The following GLI3 variants were observed in gnomAD, a reference collection of about 807,000 sequenced individuals.
The protein encoded by GLI3 is transcription activator GLI3.
Under a neutral mutation model 100.8 loss-of-function variants are expected in GLI3, and 20 were observed. The observed-to-expected ratio is 0.20, with a 90% CI of 0.14 to 0.29. The LOEUF is 0.29. Among genes scored for constraint, GLI3 ranks in the 10% least tolerant of loss-of-function variants. The pLI, the probability that GLI3 is intolerant of heterozygous loss-of-function variation, is 1.00. For synonymous variants in GLI3, 938 were observed against 860.5 expected (o/e 1.09, Z -1.58); for missense variants, 2,040 against 2,128.5 (o/e 0.96, Z 0.82).
intron 4 of GLI3, 111 bp from the exon 5 acceptor site, chr7:42,048,807 C>A (rs893737851): frequency 1.4e-5 from 11 of 781,714 alleles, no homozygotes; most frequent in South Asian, 1.2e-4. Context: ...TTCAAAGGAG[C>A]CTTGTGGAAA....
chr7:42,216,466 G>A (rs1326134447), intron 2 of GLI3, among the ~76,000 whole-genome samples: 3 of 152,320 alleles, frequency 2.0e-5, no homozygotes, highest in South Asian at 2.1e-4. Context: ...ACAACAGAGT[G>A]AGCCCCCATG....
At chr7:42,077,759 A>C (rs924916944) in intron 3 of GLI3, among the ~76,000 whole-genome samples, 2 of 152,188 alleles carry the variant, frequency 1.3e-5, no homozygotes, top group Non-Finnish European at 2.9e-5. Context: ...TTCACTGTAA[A>C]AACTGAAGAG....
chr7:42,222,213 A>G (rs563617508), intron 2 of GLI3, among the ~76,000 whole-genome samples: 19 of 152,180 alleles, frequency 1.2e-4, no homozygotes, highest in Non-Finnish European at 2.5e-4. Flanking sequence ...ATCAAGTAAA[A>G]CCTGTCTTGG....
chr7:41,969,382 C>A (rs1787308876), intron 13 of GLI3, among the ~76,000 whole-genome samples: 1 of 152,190 alleles, frequency 6.6e-6, no homozygotes, highest in Admixed American at 6.5e-5. Context: ...ATGCACAGTG[C>A]CACCAGGAAG....
At chr7:42,051,968 C>T (rs1178984228) in intron 4 of GLI3, among the ~76,000 whole-genome samples, 1 of 152,152 alleles carries the variant, frequency 6.6e-6, no homozygotes, top group Non-Finnish European at 1.5e-5. Context: ...CTTAAAAATC[C>T]TCTTTCACCA....
At chr7:42,010,958 A>ATT (rs1186005813) in intron 10 of GLI3, among the ~76,000 whole-genome samples, 1 of 152,210 alleles carries the variant, frequency 6.6e-6, no homozygotes, top group Non-Finnish European at 1.5e-5. Context: ...CTAAAAGAGG[A>ATT]TTATGTTCAT....
chr7:42,185,952 C>T (rs575582257), intron 2 of GLI3, among the ~76,000 whole-genome samples: 3 of 152,290 alleles, frequency 2.0e-5, no homozygotes, highest in Admixed American at 6.5e-5. Context: ...ACACACTGGG[C>T]CTATTTGGAC....
chr7:42,026,261 G>C lies in GLI3; in HGVS notation c.1180C>G (p.Pro394Ala). 1.9e-6 allele frequency: 3 copies of C among 1,614,090 alleles called. No individual in the cohort carries two copies. The highest frequency in any genetic ancestry group is 2.2e-5 in the East Asian group (1 of 44,874). The change falls in exon 8 of 15, where the codon CCA becomes GCA. Residue 394 changes from proline to alanine, a missense_variant. Pro to Ala is a conservative substitution (Grantham distance 27). Coordinates refer to ENST00000395925, the MANE Select transcript of GLI3 (RefSeq NM_000168.6). ...APTFPTQRPIPGIPTVLNPVQ... is the reference protein window; with the variant it reads ...APTFPTQRPIAGIPTVLNPVQ... ...GGGTTCAGAACCGTAGGGATCCCTG[G>C]AATAGGCCTCTGTGTTGGAAAAGTT...
chr7:42,056,868 G>T (rs1478527386), intron 4 of GLI3, among the ~76,000 whole-genome samples: 1 of 151,632 alleles, frequency 6.6e-6, no homozygotes, highest in African/African-American at 2.4e-5. Flanking sequence ...TGTAATCCCA[G>T]CTACTTGCAA....
At chr7:42,096,651 A>G (rs965113795) in intron 3 of GLI3, among the ~76,000 whole-genome samples, 22 of 152,264 alleles carry the variant, frequency 1.4e-4, no homozygotes, top group African/African-American at 5.1e-4. Context: ...CTGACCCTCC[A>G]CTTTGCCTGG....
At chr7:42,100,665 C>G (rs1428593767) in intron 3 of GLI3, among the ~76,000 whole-genome samples, 2 of 151,996 alleles carry the variant, frequency 1.3e-5, no homozygotes, top group African/African-American at 4.8e-5. Context: ...TCACTTGAAG[C>G]CAGGGGGCGA....
intron 4 of GLI3, among the ~76,000 whole-genome samples, chr7:42,055,492 G>T (rs1447765175): frequency 1.3e-5 from 2 of 152,080 alleles, no homozygotes; most frequent in African/African-American, 2.4e-5. Context: ...GCTAGCTGTG[G>T]CTCTGTGGTA....
chr7:42,003,257 T>G (rs564186633), intron 10 of GLI3, among the ~76,000 whole-genome samples: 1 of 152,268 alleles, frequency 6.6e-6, no homozygotes, highest in Non-Finnish European at 1.5e-5. Flanking sequence ...AATCTCGAAG[T>G]GCATGTATTA....
chr7:42,087,337 G>C (rs1298262548), intron 3 of GLI3, among the ~76,000 whole-genome samples: 3 of 152,104 alleles, frequency 2.0e-5, no homozygotes, highest in African/African-American at 7.2e-5. Context: ...CAGGGCCAAG[G>C]CCCAGCAGAT....
chr7:42,199,289 T>C (rs919322593), intron 2 of GLI3, among the ~76,000 whole-genome samples: 9 of 152,218 alleles, frequency 5.9e-5, no homozygotes, highest in Admixed American at 5.9e-4. Context: ...AATTTTCCAT[T>C]GTTGATCCAC....
chr7:42,262,726 T>A (rs1298720284), intron 1 of GLI3, among the ~76,000 whole-genome samples: 14 of 152,214 alleles, frequency 9.2e-5, no homozygotes, highest in Admixed American at 9.2e-4. Context: ...TGGTCCTTAT[T>A]TATCAGCCCA....
chr7:41,982,047 G>C (rs1317482546), intron 10 of GLI3, among the ~76,000 whole-genome samples: 1 of 152,136 alleles, frequency 6.6e-6, no homozygotes, highest in Non-Finnish European at 1.5e-5. Flanking sequence ...ATTTTCATAA[G>C]GTTAGCATCT....
chr7:42,217,382 G>T (rs1373110205), intron 2 of GLI3, among the ~76,000 whole-genome samples: 2 of 152,114 alleles, frequency 1.3e-5, no homozygotes, highest in African/African-American at 4.8e-5. Flanking sequence ...GAGAGTCGGG[G>T]CTCTTATTAG....
At chr7:42,150,893 A>G (rs1021640606) in intron 2 of GLI3, among the ~76,000 whole-genome samples, 3 of 152,152 alleles carry the variant, frequency 2.0e-5, no homozygotes, top group Non-Finnish European at 4.4e-5. Context: ...CTCTTGAGAG[A>G]ATAAACTCAG....
Sources: allele counts gnomAD v4.1 joint callset (sites outside exome capture counted in the v4.1 genomes callset), GRCh38; gene constraint gnomAD v4.1.1; transcripts MANE v1.5; gene names NCBI Gene and HGNC (gene_info 2026-07-23, HGNC 2026-07-21).